The following CSMD1 variants were observed in gnomAD, a reference collection of about 807,000 sequenced individuals.
The protein encoded by CSMD1 is CUB and Sushi multiple domains 1.
A neutral mutation model predicts 417.5 loss-of-function variants in CSMD1; 213 were observed. That is an observed-to-expected ratio of 0.51 (90% CI 0.46 to 0.57). CSMD1 has a LOEUF of 0.57. Ranked by LOEUF, CSMD1 falls within the 20% of genes least tolerant of loss-of-function variation. The pLI, the probability that CSMD1 is intolerant of heterozygous loss-of-function variation, is 0.00. For missense variants in CSMD1, 6,923 were observed against 4,529.7 expected (o/e 1.53, Z -15.17); for synonymous variants, 2,862 against 1,736.8 (o/e 1.65, Z -16.11).
chr8:3,798,092 T>C (rs966575310), intron 5 of CSMD1, among the ~76,000 whole-genome samples: 4 of 152,022 alleles, frequency 2.6e-5, no homozygotes, highest in African/African-American at 7.2e-5. Flanking sequence ...ATTGAAGTCT[T>C]AGTGGGTTTT....
At chr8:3,082,752 G>A (rs1814198241) in intron 49 of CSMD1, among the ~76,000 whole-genome samples, 1 of 152,106 alleles carries the variant, frequency 6.6e-6, no homozygotes, top group African/African-American at 2.4e-5. Context: ...AAAGAAACAT[G>A]TCAAGAAATT....
intron 49 of CSMD1, 139 bp from the exon 50 acceptor site, chr8:3,052,786 T>C: frequency 1.9e-6 from 1 of 532,692 alleles, no homozygotes; most frequent in Non-Finnish European, 2.7e-6. Context: ...TTTTTCTTTC[T>C]TTTTTTTTTC....
Position 4,316,323 on chromosome 8 carries a change from A to G in CSMD1, c.415+103630T>C, listed in dbSNP as rs182957004. Among the ~76,000 whole-genome samples the G allele has an allele frequency of 4.5e-4, 68 of 152,260 alleles. 1 individual carries two copies. In the East Asian group the frequency reaches 0.011, roughly 24 times the overall value. ...GAATGCTGCAGAGAAAATAATCTGC[A>G]TATTTTATTCCAAGCGGTTTCTTAG... On this transcript the variant is annotated intron_variant, in intron 3 of 69. Coordinates refer to ENST00000635120, the MANE Select transcript of CSMD1 (RefSeq NM_033225.6).
chr8:4,091,709 G>C (rs907292098), intron 3 of CSMD1, among the ~76,000 whole-genome samples: 1 of 152,148 alleles, frequency 6.6e-6, no homozygotes, highest in Non-Finnish European at 1.5e-5. Flanking sequence ...AGCTGATAAA[G>C]GCACAAGCCT....
chr8:4,420,921 C>A (rs901734322), intron 2 of CSMD1, among the ~76,000 whole-genome samples: 1 of 152,200 alleles, frequency 6.6e-6, no homozygotes, highest in African/African-American at 2.4e-5. Flanking sequence ...CCCTCCCTGT[C>A]TTTTGGTTTA....
intron 1 of CSMD1, among the ~76,000 whole-genome samples, chr8:4,857,983 A>G (rs907437079): frequency 6.6e-6 from 1 of 152,174 alleles, no homozygotes; most frequent in Non-Finnish European, 1.5e-5. Flanking sequence ...TTAGACCAAT[A>G]TCTTTGATGA....
At chr8:4,299,595 T>C (rs1364535594) in intron 3 of CSMD1, among the ~76,000 whole-genome samples, 7 of 152,178 alleles carry the variant, frequency 4.6e-5, no homozygotes, top group African/African-American at 1.4e-4. Context: ...ATGCCCCATA[T>C]TGGCCAATAT....
intron 1 of CSMD1, among the ~76,000 whole-genome samples, chr8:4,747,470 A>C (rs1811033822): frequency 6.6e-6 from 1 of 152,180 alleles, no homozygotes; most frequent in Non-Finnish European, 1.5e-5. Flanking sequence ...CAGGAAAGAG[A>C]AGAGAAAATG....
chr8:4,956,022 T>G (rs1179742313), intron 1 of CSMD1, among the ~76,000 whole-genome samples: 1 of 152,198 alleles, frequency 6.6e-6, no homozygotes, highest in Non-Finnish European at 1.5e-5. Context: ...CTCAGACTGC[T>G]CCAGTCACGT....
intron 1 of CSMD1, among the ~76,000 whole-genome samples, chr8:4,880,148 G>T (rs1803299840): frequency 6.6e-6 from 1 of 152,010 alleles, no homozygotes; most frequent in Admixed American, 6.5e-5. Context: ...AAGATATTGT[G>T]ATATGTTTCC....
At chr8:4,346,419 T>C (rs1290717622) in intron 3 of CSMD1, among the ~76,000 whole-genome samples, 1 of 152,128 alleles carries the variant, frequency 6.6e-6, no homozygotes, top group Non-Finnish European at 1.5e-5. Flanking sequence ...TCAGGGAGTA[T>C]GACCCACACA....
chr8:4,688,270 T>C (rs2116748736), intron 1 of CSMD1, among the ~76,000 whole-genome samples: 1 of 152,278 alleles, frequency 6.6e-6, no homozygotes, highest in South Asian at 2.1e-4. Context: ...TGTATATTGA[T>C]CTAACATAAT....
intron 8 of CSMD1, among the ~76,000 whole-genome samples, chr8:3,591,392 T>G (rs1800838106): frequency 6.6e-6 from 1 of 152,212 alleles, no homozygotes; most frequent in African/African-American, 2.4e-5. Context: ...GTAAACTATT[T>G]CCAAACACGC....
intron 26 of CSMD1, among the ~76,000 whole-genome samples, chr8:3,230,946 C>T (rs1294436866): frequency 6.6e-6 from 1 of 152,162 alleles, no homozygotes; most frequent in African/African-American, 2.4e-5. Flanking sequence ...CCTGTGCTTT[C>T]AGGGGCCACT....
intron 5 of CSMD1, among the ~76,000 whole-genome samples, chr8:3,944,697 G>C (rs529473369): frequency 6.6e-6 from 1 of 152,240 alleles, no homozygotes; most frequent in Admixed American, 6.5e-5. Flanking sequence ...TGTTGAAAAT[G>C]CCTCAGGACA....
At chr8:3,679,017 A>G (rs1799520098) in intron 7 of CSMD1, among the ~76,000 whole-genome samples, 1 of 152,166 alleles carries the variant, frequency 6.6e-6, no homozygotes. Flanking sequence ...CCTCCCCTAA[A>G]AGACCTCCTG....
chr8:4,693,588 G>C (rs1320018426), intron 1 of CSMD1, among the ~76,000 whole-genome samples: 7 of 152,110 alleles, frequency 4.6e-5, no homozygotes, highest in African/African-American at 1.7e-4. Context: ...TAGGCAGAGT[G>C]GTATTGAGGT....
At chr8:3,810,738 G>C (rs965729522) in intron 5 of CSMD1, among the ~76,000 whole-genome samples, 2 of 152,128 alleles carry the variant, frequency 1.3e-5, no homozygotes, top group African/African-American at 4.8e-5. Flanking sequence ...AAAAAGCCTT[G>C]GTTCAATTCC....
chr8:3,345,572 G>A (rs1049283117), intron 22 of CSMD1, among the ~76,000 whole-genome samples: 1 of 152,150 alleles, frequency 6.6e-6, no homozygotes, highest in Non-Finnish European at 1.5e-5. Context: ...CACCTGTTCT[G>A]TACAACATTT....
Sources: allele counts gnomAD v4.1 joint callset (sites outside exome capture counted in the v4.1 genomes callset), GRCh38; gene constraint gnomAD v4.1.1; transcripts MANE v1.5; gene names NCBI Gene and HGNC (gene_info 2026-07-23, HGNC 2026-07-21).